ABCB11: variants seen among roughly 807,000 people sequenced by gnomAD.
ABCB11 encodes ATP binding cassette subfamily B member 11.
Under a neutral mutation model 148.0 loss-of-function variants are expected in ABCB11, and 95 were observed. The observed-to-expected ratio is 0.64, with a 90% CI of 0.54 to 0.76. The LOEUF (loss-of-function observed/expected upper bound fraction) is 0.76. ABCB11 is among the 30% of genes least tolerant of loss of function. The probability of loss-of-function intolerance (pLI) is 0.00; values close to 1 mark genes in which losing one functional copy is unlikely to be tolerated. For missense variants in ABCB11, 1,523 were observed against 1,617.8 expected (o/e 0.94, Z 1.01); for synonymous variants, 591 against 555.4 (o/e 1.06, Z -0.90).
At chr2:168,929,324 G>A (rs1321325472) in intron 25 of ABCB11, among the ~76,000 whole-genome samples, 7 of 152,100 alleles carry the variant, frequency 4.6e-5, no homozygotes, top group African/African-American at 9.7e-5. Flanking sequence ...CAAACGTTGC[G>A]AGTGACAGAA....
intron 1 of ABCB11, among the ~76,000 whole-genome samples, chr2:169,018,938 C>A (rs73024736): frequency 0.025 from 3,775 of 152,190 alleles, 72 homozygotes; most frequent in African/African-American, 0.045. Flanking sequence ...AGCACAGAAG[C>A]AGCTGGTATT....
intron 17 of ABCB11, among the ~76,000 whole-genome samples, chr2:168,967,341 T>TC (rs1397887323): frequency 6.6e-6 from 1 of 151,924 alleles, no homozygotes; most frequent in African/African-American, 2.4e-5. Context: ...TGAATAAACT[T>TC]GTTCTCAAGA....
At chr2:169,023,761 C>G in intron 1 of ABCB11, among the ~76,000 whole-genome samples, 1 of 152,238 alleles carries the variant, frequency 6.6e-6, no homozygotes, top group East Asian at 1.9e-4. Context: ...TTACCTGAAA[C>G]TGATAAGCAC....
chr2:168,957,829 A>C, intron 19 of ABCB11, 135 bp downstream of exon 19: 1 of 895,048 alleles, frequency 1.1e-6, no homozygotes, highest in Non-Finnish European at 1.5e-6. Context: ...AGGCTTAGGA[A>C]ATTTTTCATT....
chr2:169,009,739 GA>G (rs1251385633), intron 5 of ABCB11, among the ~76,000 whole-genome samples: 3 of 151,358 alleles, frequency 2.0e-5, no homozygotes, highest in Non-Finnish European at 4.4e-5. Flanking sequence ...TAAAAAAAAG[GA>G]AAAAAAAGAA....
chr2:168,983,330 A>G (rs1032901910), intron 10 of ABCB11, among the ~76,000 whole-genome samples: 3 of 152,186 alleles, frequency 2.0e-5, no homozygotes, highest in African/African-American at 7.2e-5. Flanking sequence ...TAAATGTCAA[A>G]GTTCTTAGGA....
chr2:168,976,064 C>T (rs948235715), intron 12 of ABCB11, among the ~76,000 whole-genome samples: 27 of 151,984 alleles, frequency 1.8e-4, no homozygotes, highest in African/African-American at 6.0e-4. Context: ...GAACAAGACA[C>T]GTGAGCATAA....
chr2:169,020,394 T>C (rs953161940), intron 1 of ABCB11, among the ~76,000 whole-genome samples: 36 of 152,006 alleles, frequency 2.4e-4, no homozygotes, highest in African/African-American at 8.4e-4. Flanking sequence ...CTATAGTTTC[T>C]AAATAAGCAA....
rs374851715 is a variant in ABCB11, at chr2:168,964,184, C to G, written c.2178+22G>C. 1.2e-5 allele frequency: 19 copies of G among 1,520,498 alleles called. No homozygotes were observed. In the South Asian group the frequency reaches 2.0e-4, roughly 16 times the overall value. The allele number at this position is 1,520,498 out of a possible 1,614,324, so 94.2% of individuals were successfully genotyped here. On this transcript the variant is annotated intron_variant, in intron 18 of 27. Transcript: ENST00000650372. ...CAGGAGAGACTTCTTCCATTCCCCC[C>G]CATAAGCAGTTGGTGCCTGACCTTT...
intron 25 of ABCB11, among the ~76,000 whole-genome samples, chr2:168,928,564 G>A (rs1206539869): frequency 6.6e-6 from 1 of 152,158 alleles, no homozygotes; most frequent in Non-Finnish European, 1.5e-5. Context: ...TGAAATGCAA[G>A]AAGTCATAAT....
chr2:168,996,259 C>T (rs1387607251), intron 6 of ABCB11, among the ~76,000 whole-genome samples: 1 of 151,910 alleles, frequency 6.6e-6, no homozygotes, highest in Non-Finnish European at 1.5e-5. Flanking sequence ...TTTAGCAATG[C>T]GAGAAAAAGA....
chr2:168,975,553 A>T lies in ABCB11; in HGVS notation c.1308+1024T>A, dbSNP rs1438062549. Among the ~76,000 whole-genome samples the T allele has an allele frequency of 8.2e-4, 15 of 18,260 alleles. 1 individual carries two copies. In the East Asian group the frequency reaches 0.032, roughly 39 times the overall value. The allele number at this position is 18,260 out of a possible 152,430, so 12.0% of individuals were successfully genotyped here. On this transcript the variant is annotated intron_variant, in intron 12 of 27. Coordinates refer to ENST00000650372, the MANE Select transcript of ABCB11 (RefSeq NM_003742.4). The stretch of plus-strand genomic sequence containing the variant: ...TATTTATAGATAAATATATAAATAC[A>T]TAAATATTTTTATATTTATAGATAA...
chr2:168,975,805 T>C (rs1489269779), intron 12 of ABCB11, among the ~76,000 whole-genome samples: 1 of 148,830 alleles, frequency 6.7e-6, no homozygotes, highest in African/African-American at 2.5e-5. Context: ...ATATATCATA[T>C]ATATCACATA....
intron 5 of ABCB11, among the ~76,000 whole-genome samples, chr2:168,998,349 T>C (rs1357664303): frequency 6.6e-6 from 1 of 152,006 alleles, no homozygotes; most frequent in Non-Finnish European, 1.5e-5. Flanking sequence ...ACAAAGTTAC[T>C]GTTCAGGAAT....
At chr2:168,940,291 G>GA (rs1010610038) in intron 21 of ABCB11, among the ~76,000 whole-genome samples, 4 of 150,774 alleles carry the variant, frequency 2.7e-5, no homozygotes, top group African/African-American at 9.7e-5. Context: ...TGTGAATGCA[G>GA]AAAAAAAAAG....
intron 19 of ABCB11, among the ~76,000 whole-genome samples, chr2:168,952,683 T>G (rs560352472): frequency 1.8e-3 from 206 of 116,946 alleles, no homozygotes; most frequent in Non-Finnish European, 3.1e-3. Context: ...CTTTGTTTTT[T>G]TTTTTTTGTT....
Position 169,013,381 on chromosome 2 carries a change from C to G in ABCB11, c.280G>C (p.Asp94His). The G allele has an allele frequency of 6.2e-7, 1 of 1,613,762 alleles. No individual in the cohort carries two copies. Residue 94 changes from aspartate to histidine, a missense_variant, in exon 5 of 28, where the codon GAC (aspartate) becomes CAC (histidine). Transcript: ENST00000650372. ...GTMTDVFIDY[D>H]VELQELQIPG... ...ATCTGGAGTTCTTGTAACTCAACGT[C>G]GTAGTCAATAAAAACATCTGTCATT...
chr2:168,973,721 T>A lies in ABCB11; in HGVS notation c.1428A>T (p.Glu476Asp), dbSNP rs763182178. 1.2e-6 allele frequency: 2 copies of A among 1,611,788 alleles called. No individual in the cohort carries two copies. Among genetic ancestry groups the A allele is most frequent in the Non-Finnish European group, 1.7e-6 (2 of 1,178,310 alleles). The change falls in exon 13 of 28, where the codon GAA becomes GAT. Residue 476 changes from glutamate (E) to aspartate (D), a missense_variant. Transcript: ENST00000650372. ...GTTTCTGGAAGACACCCACCATTCC[T>A]TCACAGGGGTCATAGAATCGCTGAA... Reference protein sequence around the residue: ...QLIQRFYDPCEGMVTVDGHDI... With the variant: ...QLIQRFYDPCDGMVTVDGHDI...
intron 1 of ABCB11, among the ~76,000 whole-genome samples, chr2:169,018,914 C>G (rs541194965): frequency 6.6e-6 from 1 of 151,976 alleles, no homozygotes; most frequent in African/African-American, 2.4e-5. Context: ...AGAGAAGTAC[C>G]GAAGAGTAAG....
Sources: allele counts gnomAD v4.1 joint callset (sites outside exome capture counted in the v4.1 genomes callset), GRCh38; gene constraint gnomAD v4.1.1; transcripts MANE v1.5; gene names NCBI Gene and HGNC (gene_info 2026-07-23, HGNC 2026-07-21).